Variants in PSMF1 observed in about 807,000 individuals in gnomAD.
The protein encoded by PSMF1 is proteasome inhibitor subunit 1, also known as proteasome inhibitor PI31 subunit.
In PSMF1, 30 loss-of-function variants were observed where a neutral mutation model predicts 29.3. The ratio of observed to expected loss-of-function variants is 1.02; its 90% confidence interval spans 0.77 to 1.39. The LOEUF (loss-of-function observed/expected upper bound fraction) is 1.39. Among genes scored for constraint, PSMF1 ranks in the 40% most tolerant of loss-of-function variants. The pLI, the probability that PSMF1 is intolerant of heterozygous loss-of-function variation, is 0.00. For missense variants in PSMF1, 344 were observed against 357.5 expected (o/e 0.96, Z 0.31); for synonymous variants, 134 against 139.7 (o/e 0.96, Z 0.29).
rs1217760077 is a variant in PSMF1 at position 1,133,576 on chromosome 20, T to A, written c.366-1545T>A. ...ATGTGTATATATATATATATTTTTT[T>A]TTTTTTTTTGGTGTAGTCTTTGCCT... On this transcript the variant is annotated intron_variant, in intron 3 of 6. Coordinates refer to ENST00000335877, the MANE Select transcript of PSMF1 (RefSeq NM_006814.5). Among the ~76,000 whole-genome samples the A allele has an allele frequency of 8.8e-4, 117 of 133,692 alleles. 3 individuals carry two copies. In the East Asian group the frequency reaches 0.017, roughly 20 times the overall value. The allele number at this position is 133,692 out of a possible 152,430, so 87.7% of individuals were successfully genotyped here.
chr20:1,117,333 C>CT (rs796938800), upstream of PSMF1, among the ~76,000 whole-genome samples: 2,080 of 139,702 alleles, frequency 0.015, 14 homozygotes, highest in African/African-American at 0.027. Context: ...TCTGACTTTT[C>CT]TTTTTTTTTT....
intron 4 of PSMF1, among the ~76,000 whole-genome samples, chr20:1,144,808 TGA>T (rs1296504842): frequency 1.3e-5 from 2 of 152,192 alleles, no homozygotes; most frequent in Non-Finnish European, 2.9e-5. Flanking sequence ...GGGAGTAGCA[TGA>T]GAGAGATCTT....
intron 1 of PSMF1, among the ~76,000 whole-genome samples, chr20:1,120,208 T>C (rs1330361046): frequency 6.6e-6 from 1 of 152,120 alleles, no homozygotes; most frequent in African/African-American, 2.4e-5. Flanking sequence ...GGCTCTTTTT[T>C]TCCCCAGACC....
chr20:1,164,295 C>G lies in PSMF1; in HGVS notation c.606-23C>G, dbSNP rs985614386. 4 of 1,605,758 alleles carry G rather than the reference C, an allele frequency of 2.5e-6. No homozygotes were observed. In the African/African-American group the frequency reaches 5.4e-5, roughly 21 times the overall value. On this transcript the variant is annotated intron_variant, in intron 5 of 6. Transcript: ENST00000335877. The surrounding 1 kb of genome is among the most constrained non-coding windows in gnomAD (Gnocchi z 4.1). ...GGGCAGTCCTTGCCACACCTGCTTA[C>G]CTAACTTTTCTTCTTGCCTCAGGCC...
Position 1,163,126 on chromosome 20 carries a change from T to C in PSMF1, c.552-4T>C. 6.2e-7 allele frequency: 1 copy of C among 1,614,162 alleles called. No homozygotes were observed. The highest frequency in any genetic ancestry group is 1.3e-5 in the African/African-American group (1 of 75,056). ...TTGCAGTAATTGTCTCTTGTTTGTT[T>C]CAGGTGTGATCCCCTGGGCCCGTTT... is the stretch of plus-strand genomic sequence containing the variant. On this transcript the variant is annotated splice_region_variant and splice_polypyrimidine_tract_variant and intron_variant, in intron 4 of 6. Transcript: ENST00000335877. The surrounding 1 kb of genome is among the most constrained non-coding windows in gnomAD (Gnocchi z 6.1).
At chr20:1,158,633 G>A (rs564203077) in intron 4 of PSMF1, among the ~76,000 whole-genome samples, 11 of 152,334 alleles carry the variant, frequency 7.2e-5, no homozygotes, top group African/African-American at 2.6e-4. Context: ...TCCCTTTCCA[G>A]TCCCTTAAAG....
chr20:1,164,919 C>A lies in PSMF1; in HGVS notation c.765-110C>A. On this transcript the variant is annotated intron_variant, in intron 6 of 6. Transcript: ENST00000335877. This position sits in a 1 kb window ranked among gnomAD's most constrained non-coding sequence, Gnocchi z 4.1. ...TGAGTGCATGTGTTTAAATTCCTCA[C>A]ACCGCCACATCATGTTGAAGGGCAG... 2.0e-6 allele frequency: 2 copies of A among 982,110 alleles called. No homozygotes were observed. The highest frequency in any genetic ancestry group is 3.2e-6 in the Non-Finnish European group (2 of 622,532). The allele number at this position is 982,110 out of a possible 1,614,324, so 60.8% of individuals were successfully genotyped here.
chr20:1,162,227 G>C (rs1471924775), intron 4 of PSMF1, among the ~76,000 whole-genome samples: 2 of 152,120 alleles, frequency 1.3e-5, no homozygotes, highest in Admixed American at 1.3e-4. Context: ...GTTGGAAGCG[G>C]TTTGCATTTA....
intron 4 of PSMF1, among the ~76,000 whole-genome samples, chr20:1,150,526 T>C (rs1428192156): frequency 2.0e-5 from 3 of 152,308 alleles, no homozygotes; most frequent in Admixed American, 2.0e-4. Context: ...TTAAAATTTT[T>C]TTTTTCTCGA....
intron 4 of PSMF1, among the ~76,000 whole-genome samples, chr20:1,137,202 G>A (rs1345003895): frequency 5.3e-5 from 8 of 152,322 alleles, no homozygotes; most frequent in East Asian, 1.9e-4. Context: ...AATCATAGAC[G>A]TAGAGTATAG....
upstream of PSMF1, among the ~76,000 whole-genome samples, chr20:1,115,861 T>C (rs1273181646): frequency 1.3e-5 from 2 of 151,556 alleles, no homozygotes; most frequent in African/African-American, 4.8e-5. Flanking sequence ...GCCTCCCGAA[T>C]AGCTGGGATT....
In PSMF1 at chr20:1,168,966, A is replaced by T. The variant is rs983696307; in HGVS notation, c.*3886A>T. On this transcript the variant is annotated 3_prime_UTR_variant, in exon 7 of 7. Coordinates refer to ENST00000335877, the MANE Select transcript of PSMF1 (RefSeq NM_006814.5). Reference sequence around the variant, plus strand: ...CCAAAGGAGATATTCAAGGACAGACATCCAAGTCCCCAGCCCTTTATTGCC... The same window carrying T: ...CCAAAGGAGATATTCAAGGACAGACTTCCAAGTCCCCAGCCCTTTATTGCC... Among the ~76,000 whole-genome samples the T allele has an allele frequency of 5.3e-5, 8 of 152,340 alleles. No homozygotes were observed. Among genetic ancestry groups the T allele is most frequent in the Admixed American group, 3.3e-4 (5 of 15,306 alleles).
Position 1,170,558 on chromosome 20 carries a change from G to A in PSMF1, c.*5478G>A, listed in dbSNP as rs2086780058. 6.6e-6 allele frequency among the ~76,000 whole-genome samples: 1 copy of A among 151,982 alleles called. No homozygotes were observed. Among genetic ancestry groups the A allele is most frequent in the Admixed American group, 6.5e-5 (1 of 15,268 alleles). ...CCATTTCCTGTACCAGAAAAGGAAG[G>A]ATTGGGAAGGTCCAGTAATTTGCTC... On this transcript the variant is annotated 3_prime_UTR_variant, in exon 7 of 7. Coordinates refer to ENST00000335877, the MANE Select transcript of PSMF1 (RefSeq NM_006814.5).
chr20:1,127,510 T>C lies in PSMF1; in HGVS notation c.365+2T>C. On this transcript the variant is annotated splice_donor_variant, in intron 3 of 6. Coordinates refer to ENST00000335877, the MANE Select transcript of PSMF1 (RefSeq NM_006814.5). LOFTEE classifies it high-confidence loss of function. ...AGAACACCTGGGTGACTTCCACAGG[T>C]ACTTCTAAATGATGTCTCTTCCCTG... The C allele has an allele frequency of 3.2e-6, 5 of 1,578,920 alleles. No individual in the cohort carries two copies. In the South Asian group the frequency reaches 3.3e-5, roughly 10 times the overall value.
intron 3 of PSMF1, among the ~76,000 whole-genome samples, chr20:1,130,667 G>A (rs1437569908): frequency 6.6e-6 from 1 of 152,012 alleles, no homozygotes; most frequent in South Asian, 2.1e-4. Flanking sequence ...TCCCTCTGTT[G>A]CCCAGGCAGG....
chr20:1,155,196 A>C (rs548916145), intron 4 of PSMF1, among the ~76,000 whole-genome samples: 2 of 152,328 alleles, frequency 1.3e-5, no homozygotes, highest in South Asian at 2.1e-4. Flanking sequence ...GCGTGGACGG[A>C]GAGTGTTCCA....
At chr20:1,127,224 C>A in intron 2 of PSMF1, 1 of 740,644 alleles carries the variant, frequency 1.4e-6, no homozygotes, top group Non-Finnish European at 2.5e-6. Flanking sequence ...GTGTTTTAGT[C>A]TCTGCCTTGG....
intron 4 of PSMF1, among the ~76,000 whole-genome samples, chr20:1,146,023 T>A (rs1356199619): frequency 6.6e-6 from 1 of 152,166 alleles, no homozygotes; most frequent in Non-Finnish European, 1.5e-5. Context: ...TTTTGGTGAG[T>A]CCTCTATTCA....
chr20:1,167,993 C>T lies in PSMF1; in HGVS notation c.*2913C>T, dbSNP rs2086751581. On this transcript the variant is annotated 3_prime_UTR_variant, in exon 7 of 7. Coordinates refer to ENST00000335877, the MANE Select transcript of PSMF1 (RefSeq NM_006814.5). The stretch of plus-strand genomic sequence containing the variant: ...GGGTTCCAGTTTCCCCACATCTTCA[C>T]CAACTCTTGTTATTTTTCATGCTTA... 6.6e-6 allele frequency: 1 copy of T among 152,238 alleles called. No homozygotes were observed. The highest frequency in any genetic ancestry group is 1.5e-5 in the Non-Finnish European group (1 of 68,036). 9.4% of individuals were successfully genotyped at this position (152,238 alleles called of 1,614,324 possible). A position where few individuals can be genotyped will look rare whatever the true frequency, so the allele number is the denominator to read the frequency against.
Sources: allele counts gnomAD v4.1 joint callset (sites outside exome capture counted in the v4.1 genomes callset), GRCh38; gene constraint gnomAD v4.1.1; non-coding constraint Gnocchi (gnomAD v3.1); transcripts MANE v1.5; gene names NCBI Gene and HGNC (gene_info 2026-07-23, HGNC 2026-07-21).